The following TECPR1 variants were observed in gnomAD, a reference collection of about 807,000 sequenced individuals.
TECPR1 encodes the protein tectonin beta-propeller repeat containing 1, also known as tectonin beta-propeller repeat-containing protein 1.
TECPR1 carries 122 observed loss-of-function variants against 162.4 expected under a neutral mutation model. That is an observed-to-expected ratio of 0.75 (90% CI 0.65 to 0.87). The LOEUF (loss-of-function observed/expected upper bound fraction) is 0.87, where lower values mean the gene tolerates loss of function less well. Ranked by LOEUF, TECPR1 falls within the 40% of genes least tolerant of loss-of-function variation. The probability of loss-of-function intolerance (pLI) is 0.00; values close to 1 mark genes in which losing one functional copy is unlikely to be tolerated. For synonymous variants in TECPR1, 642 were observed against 670.6 expected, an observed-to-expected ratio of 0.96 and a Z score of 0.66; for missense variants, 1,432 against 1,618.2, an observed-to-expected ratio of 0.88 and a Z score of 1.97.
In TECPR1 at chr7:98,241,010, A is replaced by G; in HGVS notation, c.833-59T>C. On this transcript the variant is annotated intron_variant, in intron 7 of 25. Coordinates refer to ENST00000447648, the MANE Select transcript of TECPR1 (RefSeq NM_015395.3). This position sits in a 1 kb window ranked among gnomAD's most constrained non-coding sequence, Gnocchi z 5.0. ...CATCAGCCTGGACAGCTGGGGAGCG[A>G]GTGACCCTCACCCTTCTCCCCAGTA... 1 of 1,585,148 alleles carries G rather than the reference A, an allele frequency of 6.3e-7. No homozygotes were observed. Among genetic ancestry groups the G allele is most frequent in the Non-Finnish European group, 8.6e-7 (1 of 1,166,400 alleles).
chr7:98,244,710 G>C lies in TECPR1; in HGVS notation c.409-17C>G. 6.2e-7 allele frequency: 1 copy of C among 1,601,414 alleles called. No individual in the cohort carries two copies. Among genetic ancestry groups the C allele is most frequent in the Admixed American group, 1.7e-5 (1 of 59,436 alleles). On this transcript the variant is annotated splice_polypyrimidine_tract_variant and intron_variant, in intron 4 of 25. Coordinates refer to ENST00000447648, the MANE Select transcript of TECPR1 (RefSeq NM_015395.3). ...CGTCCACCCCTGAAACACCAAGGAA[G>C]GGGCTCTCAGGCTCTGCGGGGAAGG...
At position 98,229,036 on chromosome 7, in the gene TECPR1, C is replaced by T. The variant is rs1798351445; in HGVS notation, c.2410+3G>A. 1.2e-6 allele frequency: 2 copies of T among 1,601,266 alleles called. No individual in the cohort carries two copies. The highest frequency in any genetic ancestry group is 1.1e-5 in the South Asian group (1 of 89,518). ...CTCCGGGGGGGCTGTGGGCCGCCCT[C>T]ACCTTGGAAGCAGCCGCCTCCATAG... is the stretch of plus-strand genomic sequence containing the variant. On this transcript the variant is annotated splice_donor_region_variant and intron_variant, in intron 16 of 25. Coordinates refer to ENST00000447648, the MANE Select transcript of TECPR1 (RefSeq NM_015395.3).
intron 2 of TECPR1, among the ~76,000 whole-genome samples, chr7:98,246,947 G>C (rs2116634680): frequency 6.6e-6 from 1 of 151,682 alleles, no homozygotes; most frequent in South Asian, 2.1e-4. Flanking sequence ...AGACCAGCCT[G>C]GTCAACATGG....
At chr7:98,224,201 C>T (rs1042667641) in intron 19 of TECPR1, among the ~76,000 whole-genome samples, 35 of 152,202 alleles carry the variant, frequency 2.3e-4, no homozygotes, top group Non-Finnish European at 1.2e-4. Context: ...TCAGAAGCCA[C>T]CTGGCTCTGG....
In TECPR1 at chr7:98,243,575, G is replaced by T; in HGVS notation, c.549C>A (p.Asp183Glu). ...DIWAKIPSKDDPKELPDPFND... is the reference protein window; with the variant it reads ...DIWAKIPSKDEPKELPDPFND... The stretch of plus-strand genomic sequence containing the variant: ...TGAAGGGGTCGGGCAGCTCCTTGGG[G>T]TCATCCTTCGAGGGGATCTGAAGGA... Residue 183 changes from aspartate to glutamate, a missense_variant, in exon 6 of 26, where the codon GAC (aspartate) becomes GAA (glutamate). By Grantham distance (45) the Asp-to-Glu change is conservative. Coordinates refer to ENST00000447648, the MANE Select transcript of TECPR1 (RefSeq NM_015395.3). 6.2e-7 allele frequency: 1 copy of T among 1,612,456 alleles called. No homozygotes were observed. Among genetic ancestry groups the T allele is most frequent in the South Asian group, 1.1e-5 (1 of 91,086 alleles).
At position 98,232,680 on chromosome 7, in the gene TECPR1, G is replaced by T; in HGVS notation, c.1818+147C>A. On this transcript the variant is annotated intron_variant, in intron 12 of 25. Coordinates refer to ENST00000447648, the MANE Select transcript of TECPR1 (RefSeq NM_015395.3). This position sits in a 1 kb window ranked among gnomAD's most constrained non-coding sequence, Gnocchi z 4.6. ...TTCAGGATGGACGAAGAAACCCTGA[G>T]CTCATTTCTCTATGCCTGCATCTGG... 1.8e-6 allele frequency: 2 copies of T among 1,100,190 alleles called. No individual in the cohort carries two copies. Among genetic ancestry groups the T allele is most frequent in the Non-Finnish European group, 2.5e-6 (2 of 804,224 alleles). 68.2% of individuals were successfully genotyped at this position (1,100,190 alleles called of 1,614,324 possible).
At chr7:98,246,267 T>A in intron 2 of TECPR1, 102 bp from the exon 3 acceptor site, 1 of 716,074 alleles carries the variant, frequency 1.4e-6, no homozygotes, top group Non-Finnish European at 2.2e-6. Flanking sequence ...TTATTCTTTT[T>A]CTCTTTTTTT....
chr7:98,221,159 A>T (rs1035944669), intron 23 of TECPR1, among the ~76,000 whole-genome samples: 2 of 151,930 alleles, frequency 1.3e-5, no homozygotes, highest in African/African-American at 4.8e-5. Context: ...AAAATTAGCC[A>T]GGTGTGGTGG....
At chr7:98,235,514 G>A (rs1257626044) in intron 10 of TECPR1, among the ~76,000 whole-genome samples, 2 of 108,626 alleles carry the variant, frequency 1.8e-5, no homozygotes, top group Non-Finnish European at 3.7e-5. Flanking sequence ...GACAGAGTGA[G>A]ACTCCGTCTA....
Position 98,233,936 on chromosome 7 carries a change from A to C in TECPR1, c.1182-25T>G, listed in dbSNP as rs1207828695. Reference sequence around the variant, plus strand: ...ACTGGGGACAAATCAGGGCAGACCCATCACTCCCTTGCAGGGGAACAGGCG... The same window carrying C: ...ACTGGGGACAAATCAGGGCAGACCCCTCACTCCCTTGCAGGGGAACAGGCG... On this transcript the variant is annotated intron_variant, in intron 10 of 25. Transcript: ENST00000447648. The C allele has an allele frequency of 2.9e-5, 43 of 1,493,372 alleles. No homozygotes were observed. In the South Asian group the frequency reaches 5.3e-4, roughly 18 times the overall value. The allele number at this position is 1,493,372 out of a possible 1,614,324, so 92.5% of individuals were successfully genotyped here. A position where few individuals can be genotyped will look rare whatever the true frequency, so the allele number is the denominator to read the frequency against.
rs200282258 is a variant in TECPR1 at position 98,243,584 on chromosome 7, C to T, written c.540G>A (p.Ser180=). 110 of 1,612,120 alleles carry T rather than the reference C, an allele frequency of 6.8e-5. No homozygotes were observed. The African/African-American group carries it at 1.1e-3, about 15-fold the overall frequency. The part of the protein sequence containing the change: ...KSRDIWAKIP[S]KDDPKELPDP... Reference sequence around the variant, plus strand: ...CGGGCAGCTCCTTGGGGTCATCCTTCGAGGGGATCTGAAGGAAGGAAGTGA... The same window carrying T: ...CGGGCAGCTCCTTGGGGTCATCCTTTGAGGGGATCTGAAGGAAGGAAGTGA... The change falls in exon 6 of 26, where the codon TCG becomes TCA. Residue 180 remains serine, a synonymous_variant. Coordinates refer to ENST00000447648, the MANE Select transcript of TECPR1 (RefSeq NM_015395.3).
intron 2 of TECPR1, among the ~76,000 whole-genome samples, chr7:98,250,193 G>C (rs542174177): frequency 2.0e-5 from 3 of 152,312 alleles, no homozygotes; most frequent in African/African-American, 4.8e-5. Flanking sequence ...GAATCTAGTT[G>C]GTGGGGATGG....
chr7:98,215,528 G>A lies in TECPR1; in HGVS notation c.*1862C>T, dbSNP rs1361222911. The A allele has an allele frequency of 6.6e-6, 1 of 152,272 alleles. No individual in the cohort carries two copies. The highest frequency in any genetic ancestry group is 1.5e-5 in the Non-Finnish European group (1 of 68,046). 9.4% of individuals were successfully genotyped at this position (152,272 alleles called of 1,614,324 possible). On this transcript the variant is annotated 3_prime_UTR_variant, in exon 26 of 26. Coordinates refer to ENST00000447648, the MANE Select transcript of TECPR1 (RefSeq NM_015395.3). ...AGGGCACGGACACTCCAGGGGAAAT[G>A]CTTATTGAGTAAAGTATCCGAGGAA...
rs1035623487 is a variant in TECPR1 at position 98,232,235 on chromosome 7, G to T, written c.1819-276C>A. 6.6e-6 allele frequency among the ~76,000 whole-genome samples: 1 copy of T among 152,106 alleles called. No individual in the cohort carries two copies. Among genetic ancestry groups the T allele is most frequent in the Admixed American group, 6.5e-5 (1 of 15,272 alleles). On this transcript the variant is annotated intron_variant, in intron 12 of 25. Transcript: ENST00000447648. The surrounding 1 kb of genome is among the most constrained non-coding windows in gnomAD (Gnocchi z 4.6). ...TCCCGCCTTCTGCATGGGGAGACAGGCTCGGGAGGGTTCCGTGCCTGGCTT... is the reference window on the plus strand; with the variant it reads ...TCCCGCCTTCTGCATGGGGAGACAGTCTCGGGAGGGTTCCGTGCCTGGCTT...
intron 23 of TECPR1, among the ~76,000 whole-genome samples, chr7:98,219,279 C>T (rs553939973): frequency 1.3e-5 from 2 of 152,050 alleles, no homozygotes; most frequent in East Asian, 3.9e-4. Context: ...TAAAACCATA[C>T]AAATTCTATA....
At chr7:98,247,591 C>T (rs916211367) in intron 2 of TECPR1, among the ~76,000 whole-genome samples, 7 of 152,286 alleles carry the variant, frequency 4.6e-5, no homozygotes, top group Admixed American at 3.3e-4. Flanking sequence ...AATGAGGGCA[C>T]GTTGAGAGCC....
At chr7:98,222,318 G>C in intron 22 of TECPR1, 68 bp downstream of exon 22, 1 of 1,545,628 alleles carries the variant, frequency 6.5e-7, no homozygotes, top group East Asian at 2.3e-5. Flanking sequence ...GCCCAGAGGG[G>C]ATGTTCAGCA....
chr7:98,230,851 G>A (rs944507150), intron 15 of TECPR1, 110 bp downstream of exon 15: 23 of 1,390,888 alleles, frequency 1.7e-5, no homozygotes, highest in Admixed American at 2.5e-5. Context: ...TGCCTGGTCA[G>A]CGAGAAGCTT....
chr7:98,233,040 G>A (rs1048239992), intron 11 of TECPR1, 68 bp from the exon 12 acceptor site: 69 of 1,502,250 alleles, frequency 4.6e-5, no homozygotes, highest in Non-Finnish European at 5.2e-5. Flanking sequence ...AAGCCACGGC[G>A]CTCCCCTCCA....
Sources: allele counts gnomAD v4.1 joint callset (sites outside exome capture counted in the v4.1 genomes callset), GRCh38; gene constraint gnomAD v4.1.1; non-coding constraint Gnocchi (gnomAD v3.1); transcripts MANE v1.5; gene names NCBI Gene and HGNC (gene_info 2026-07-23, HGNC 2026-07-21).